Variants in RABGAP1L observed in about 807,000 individuals in gnomAD.
RABGAP1L encodes the protein rab GTPase-activating protein 1-like.
In RABGAP1L, 63 loss-of-function variants were observed where a neutral mutation model predicts 137.7. That is an observed-to-expected ratio of 0.46 (90% CI 0.37 to 0.56). RABGAP1L has a LOEUF of 0.56. RABGAP1L is among the 20% of genes least tolerant of loss of function. The pLI, the probability that RABGAP1L is intolerant of heterozygous loss-of-function variation, is 0.00. For missense variants in RABGAP1L, 1,095 were observed against 1,244.0 expected, an observed-to-expected ratio of 0.88 and a Z score of 1.80; for synonymous variants, 431 against 433.7, an observed-to-expected ratio of 0.99 and a Z score of 0.08.
intron 8 of RABGAP1L, among the ~76,000 whole-genome samples, chr1:174,275,516 A>C (rs556004590): frequency 2.6e-5 from 4 of 152,274 alleles, no homozygotes; most frequent in Admixed American, 2.6e-4. Flanking sequence ...TGAGATTTGG[A>C]CAATTGGTGT....
chr1:174,181,922 C>G (rs1011500784), intron 1 of RABGAP1L, among the ~76,000 whole-genome samples: 1 of 152,060 alleles, frequency 6.6e-6, no homozygotes, highest in South Asian at 2.1e-4. Flanking sequence ...ATACTGTACT[C>G]CCTCCCTAAT....
At chr1:174,711,673 G>A (rs1680532987) in intron 17 of RABGAP1L, among the ~76,000 whole-genome samples, 1 of 152,194 alleles carries the variant, frequency 6.6e-6, no homozygotes, top group Non-Finnish European at 1.5e-5. Flanking sequence ...GTGCCCGAGT[G>A]CCCCCTGGCA....
intron 20 of RABGAP1L, among the ~76,000 whole-genome samples, chr1:174,964,365 C>T (rs1669431450): frequency 6.6e-6 from 1 of 152,142 alleles, no homozygotes; most frequent in South Asian, 2.1e-4. Context: ...TCATTTTTTC[C>T]TTTAAAGCTT....
At chr1:174,206,903 T>A (rs956498720) in intron 1 of RABGAP1L, among the ~76,000 whole-genome samples, 1 of 131,318 alleles carries the variant, frequency 7.6e-6, no homozygotes, top group Non-Finnish European at 1.6e-5. Flanking sequence ...AAAGTAAGAA[T>A]TATAAGCTAT....
At chr1:174,552,638 A>G (rs1016945979) in intron 13 of RABGAP1L, among the ~76,000 whole-genome samples, 3 of 152,172 alleles carry the variant, frequency 2.0e-5, no homozygotes, top group African/African-American at 7.2e-5. Context: ...ATGGGCATTT[A>G]GGTTCATTCC....
intron 13 of RABGAP1L, among the ~76,000 whole-genome samples, chr1:174,516,708 G>A (rs773018237): frequency 6.6e-6 from 1 of 152,182 alleles, no homozygotes; most frequent in South Asian, 2.1e-4. Flanking sequence ...CTCAAAACAA[G>A]TGTGTTATAA....
chr1:174,977,500 C>T (rs770359000), intron 22 of RABGAP1L, among the ~76,000 whole-genome samples: 2 of 152,144 alleles, frequency 1.3e-5, no homozygotes, highest in Admixed American at 6.5e-5. Context: ...CAATTGATAC[C>T]TAAAATGGGA....
intron 11 of RABGAP1L, among the ~76,000 whole-genome samples, chr1:174,357,841 G>C (rs748818659): frequency 2.0e-5 from 3 of 152,202 alleles, no homozygotes; most frequent in Non-Finnish European, 4.4e-5. Flanking sequence ...ATTCAAGTTT[G>C]TTAAATGATA....
intron 1 of RABGAP1L, among the ~76,000 whole-genome samples, chr1:174,190,724 A>G (rs1196280701): frequency 1.3e-5 from 2 of 152,228 alleles, no homozygotes; most frequent in Non-Finnish European, 2.9e-5. Context: ...TTATCTTTGC[A>G]TTCAGACTTC....
At chr1:174,764,234 C>T (rs530631949) in intron 18 of RABGAP1L, among the ~76,000 whole-genome samples, 20 of 152,168 alleles carry the variant, frequency 1.3e-4, no homozygotes, top group African/African-American at 3.9e-4. Flanking sequence ...TCAGTTGTTT[C>T]CATTTTGATT....
At chr1:174,547,816 C>A (rs2147968121) in intron 13 of RABGAP1L, 2 of 1,478,058 alleles carry the variant, frequency 1.4e-6, no homozygotes, top group African/African-American at 2.8e-5. Context: ...TGAAAATAAT[C>A]ATATTTATTT....
At position 174,683,086 on chromosome 1, in the gene RABGAP1L, G is replaced by A. The variant is rs144641067; in HGVS notation, c.1825-436G>A. 3.9e-3 allele frequency among the ~76,000 whole-genome samples: 573 copies of A among 145,528 alleles called. 6 individuals are homozygous for A. The highest frequency in any genetic ancestry group is 0.014 in the African/African-American group (539 of 38,450). On this transcript the variant is annotated intron_variant, in intron 14 of 25. Transcript: ENST00000681986. Reference sequence around the variant, plus strand: ...TTTTTTTTTTTTTTTTTTGGCATGGGGTTGTCAGAATAGCGGATTTGCACT... The same window carrying A: ...TTTTTTTTTTTTTTTTTTGGCATGGAGTTGTCAGAATAGCGGATTTGCACT...
chr1:174,223,751 C>T (rs1268056093), intron 3 of RABGAP1L, among the ~76,000 whole-genome samples: 1 of 151,944 alleles, frequency 6.6e-6, no homozygotes, highest in Non-Finnish European at 1.5e-5. Flanking sequence ...TGAAATGTAT[C>T]TGGACAAGTA....
intron 13 of RABGAP1L, among the ~76,000 whole-genome samples, chr1:174,409,578 C>T (rs896152184): frequency 3.9e-5 from 6 of 152,078 alleles, no homozygotes; most frequent in African/African-American, 1.2e-4. Context: ...CAGAATAGAG[C>T]CATATTTTTC....
At chr1:174,329,313 G>A (rs1474707113) in intron 11 of RABGAP1L, among the ~76,000 whole-genome samples, 1 of 152,140 alleles carries the variant, frequency 6.6e-6, no homozygotes, top group Non-Finnish European at 1.5e-5. Flanking sequence ...TGAACAGACT[G>A]ATGTTGAGTA....
intron 14 of RABGAP1L, among the ~76,000 whole-genome samples, chr1:174,661,910 A>G (rs894148545): frequency 6.6e-5 from 10 of 152,196 alleles, no homozygotes; most frequent in African/African-American, 9.7e-5. Context: ...ATAAAGGTAT[A>G]TAGCATATAC....
At chr1:174,827,140 G>GT (rs199539590) in intron 19 of RABGAP1L, among the ~76,000 whole-genome samples, 348 of 151,034 alleles carry the variant, frequency 2.3e-3, no homozygotes, top group African/African-American at 7.8e-3. Context: ...CTCTGTCTTT[G>GT]TTTTTTTTTA....
intron 13 of RABGAP1L, among the ~76,000 whole-genome samples, chr1:174,570,960 C>G (rs1284813302): frequency 6.6e-6 from 1 of 152,120 alleles, no homozygotes; most frequent in East Asian, 1.9e-4. Flanking sequence ...GGAAGAGATA[C>G]CTGCACTTCC....
At chr1:174,727,127 C>T (rs1343986381) in intron 17 of RABGAP1L, among the ~76,000 whole-genome samples, 2 of 152,112 alleles carry the variant, frequency 1.3e-5, no homozygotes, top group African/African-American at 4.8e-5. Context: ...ATAATAATAT[C>T]AATTTCTTAA....
Sources: gnomAD v4.1 joint callset for allele counts (sites outside exome capture counted in the v4.1 genomes callset) on GRCh38, gnomAD v4.1.1 for gene constraint, MANE v1.5 for transcripts, NCBI Gene and HGNC (gene_info 2026-07-23, HGNC 2026-07-21) for gene names.